Variants in BARD1 observed in about 807,000 individuals in gnomAD.
The protein encoded by BARD1 is BRCA1-associated RING domain protein 1.
BARD1 carries 73 observed loss-of-function variants against 77.0 expected under a neutral mutation model. That is an observed-to-expected ratio of 0.95 (90% CI 0.79 to 1.15). The LOEUF is 1.15. BARD1 is among the 50% of genes most tolerant of loss of function. The pLI is 0.00. For missense variants in BARD1, 993 were observed against 938.8 expected, an observed-to-expected ratio of 1.06 and a Z score of -0.75; for synonymous variants, 384 against 338.0, an observed-to-expected ratio of 1.14 and a Z score of -1.49.
Position 214,770,477 on chromosome 2 carries a change from C to A in BARD1, c.1315-1165G>T, listed in dbSNP as rs142463512. Among the ~76,000 whole-genome samples, 376 of 152,280 alleles carry A rather than the reference C, an allele frequency of 2.5e-3. 1 individual carries two copies. Among genetic ancestry groups the A allele is most frequent in the Non-Finnish European group, 3.6e-3 (244 of 68,022 alleles). On this transcript the variant is annotated intron_variant, in intron 4 of 10. Transcript: ENST00000260947. ...AATAACTTTACTTTAGAAATCACAA[C>A]CTCTTTTTAAATCAGATGAGCAAGA... is the stretch of plus-strand genomic sequence containing the variant.
In BARD1 at chr2:214,767,208, T is replaced by C. The variant is rs66878442; in HGVS notation, c.1568+274A>G. Among the ~76,000 whole-genome samples the C allele has an allele frequency of 0.37, 56,510 of 152,040 alleles. 10,629 individuals are homozygous for C. The highest frequency in any genetic ancestry group is 0.44 in the Middle Eastern group (130 of 294). ...CCATGGTATATATGTAACACATTTT[T>C]TTTATCCGATCTGTCATTGATATTT... On this transcript the variant is annotated intron_variant, in intron 6 of 10. Transcript: ENST00000260947.
intron 9 of BARD1, among the ~76,000 whole-genome samples, chr2:214,738,265 G>A (rs184072925): frequency 5.1e-4 from 78 of 152,264 alleles, no homozygotes; most frequent in African/African-American, 1.7e-3. Flanking sequence ...TCCTGATCAT[G>A]TTCTCCATTT....
chr2:214,762,047 A>G (rs559765180), intron 6 of BARD1, among the ~76,000 whole-genome samples: 92 of 152,342 alleles, frequency 6.0e-4, no homozygotes, highest in Non-Finnish European at 9.3e-4. Flanking sequence ...ACAAATAATC[A>G]AATACTATAC....
chr2:214,786,290 T>G (rs765649910), intron 3 of BARD1, among the ~76,000 whole-genome samples: 5 of 152,188 alleles, frequency 3.3e-5, no homozygotes, highest in Non-Finnish European at 5.9e-5. Context: ...CTTTTCAACA[T>G]TCTCATGTCT....
At chr2:214,793,206 T>C (rs1364618901) in intron 2 of BARD1, among the ~76,000 whole-genome samples, 1 of 152,150 alleles carries the variant, frequency 6.6e-6, no homozygotes, top group Non-Finnish European at 1.5e-5. Context: ...AGGACATTCC[T>C]TGTCACAGGA....
chr2:214,728,334 A>G lies in BARD1; in HGVS notation c.*342T>C, dbSNP rs1339379365. The G allele has an allele frequency of 2.3e-5, 6 of 258,020 alleles. No individual in the cohort carries two copies. The Admixed American group carries it at 2.6e-4, about 11-fold the overall frequency. The allele number at this position is 258,020 out of a possible 1,614,324, so 16.0% of individuals were successfully genotyped here. A position where few individuals can be genotyped will look rare whatever the true frequency, so the allele number is the denominator to read the frequency against. On this transcript the variant is annotated 3_prime_UTR_variant, in exon 11 of 11. Coordinates refer to ENST00000260947, the MANE Select transcript of BARD1 (RefSeq NM_000465.4). ...TTTTTCACTGGTGGCAGGTATGGAG[A>G]ATATTAAAAGACTCAAACAGTAATG...
At chr2:214,808,135 C>A (rs1415504352) in intron 1 of BARD1, among the ~76,000 whole-genome samples, 1 of 152,182 alleles carries the variant, frequency 6.6e-6, no homozygotes, top group Non-Finnish European at 1.5e-5. Flanking sequence ...TTTGGCCGGG[C>A]ACCGTGGCTC....
At chr2:214,731,847 C>T (rs1292889955) in intron 9 of BARD1, among the ~76,000 whole-genome samples, 6 of 152,174 alleles carry the variant, frequency 3.9e-5, no homozygotes, top group Non-Finnish European at 7.4e-5. Flanking sequence ...ACTCAGGTAT[C>T]CCCTTCACTG....
chr2:214,788,317 G>A (rs1476104840), intron 3 of BARD1, among the ~76,000 whole-genome samples: 31 of 151,836 alleles, frequency 2.0e-4, no homozygotes, highest in Non-Finnish European at 2.9e-5. Context: ...GTAAAAAGAA[G>A]ATCATGTTAT....
At chr2:214,734,121 T>C (rs1359172340) in intron 9 of BARD1, among the ~76,000 whole-genome samples, 3 of 152,112 alleles carry the variant, frequency 2.0e-5, no homozygotes, top group Non-Finnish European at 4.4e-5. Context: ...TTGAATAAAA[T>C]GTTTGAATGC....
At chr2:214,752,832 A>C (rs1413068998) in intron 6 of BARD1, among the ~76,000 whole-genome samples, 1 of 152,162 alleles carries the variant, frequency 6.6e-6, no homozygotes, top group Non-Finnish European at 1.5e-5. Context: ...ATATGGCTTC[A>C]TAATCACCAA....
At chr2:214,739,237 A>G (rs1466450018) in intron 9 of BARD1, among the ~76,000 whole-genome samples, 1 of 152,046 alleles carries the variant, frequency 6.6e-6, no homozygotes, top group Non-Finnish European at 1.5e-5. Flanking sequence ...TCAATACAAA[A>G]TATCCTAAAA....
rs569639860 is a variant in BARD1 at position 214,727,632 on chromosome 2, C to A, written c.*1044G>T. ...GCCTTGCCTATTTGATATTAGTAAGCCCTCCCCATACCTACTTCTATACTT... is the reference window on the plus strand; with the variant it reads ...GCCTTGCCTATTTGATATTAGTAAGACCTCCCCATACCTACTTCTATACTT... On this transcript the variant is annotated 3_prime_UTR_variant, in exon 11 of 11. Coordinates refer to ENST00000260947, the MANE Select transcript of BARD1 (RefSeq NM_000465.4). 7.3e-5 allele frequency: 17 copies of A among 231,338 alleles called. 1 individual carries two copies. Among genetic ancestry groups the A allele is most frequent in the Admixed American group, 3.4e-4 (6 of 17,728 alleles). The allele number at this position is 231,338 out of a possible 1,614,324, so 14.3% of individuals were successfully genotyped here.
chr2:214,797,029 TG>T, intron 2 of BARD1, 31 bp downstream of exon 2: 1 of 1,514,824 alleles, frequency 6.6e-7, no homozygotes, highest in Non-Finnish European at 9.2e-7. Context: ...AAAATACAGT[TG>T]TACTATATAC....
At chr2:214,729,077 T>C (rs777147991) in intron 10 of BARD1, 69 bp from the exon 11 acceptor site, 54 of 1,436,620 alleles carry the variant, frequency 3.8e-5, no homozygotes, top group Non-Finnish European at 5.2e-5. Context: ...TGTATATGAA[T>C]GAGGAAAATA....
intron 3 of BARD1, among the ~76,000 whole-genome samples, chr2:214,785,383 C>T (rs1458230535): frequency 1.3e-5 from 2 of 151,868 alleles, no homozygotes; most frequent in Admixed American, 6.6e-5. Context: ...AAAAAAATTG[C>T]CTTAAAATTC....
chr2:214,747,221 G>T (rs1237550414), intron 7 of BARD1, among the ~76,000 whole-genome samples: 1 of 152,076 alleles, frequency 6.6e-6, no homozygotes, highest in African/African-American at 2.4e-5. Context: ...TGTTGGAGAG[G>T]ATGTGGAGAA....
rs1693083134 is a variant in BARD1 at position 214,745,806 on chromosome 2, C to T, written c.1726G>A (p.Gly576Arg). The change falls in exon 8 of 11, where the codon GGG becomes AGG. Residue 576 changes from glycine to arginine, a missense_variant. By Grantham distance (125) the Gly-to-Arg change is moderately radical (BLOSUM62 -2). Transcript: ENST00000260947. ...ATTTTCTGTTGTTCTGAAGACAGCC[C>T]ACTGCCTATAAGTACAAGAGGTCCA... ...RDGPLVLIGS[G>R]LSSEQQKMLS... The T allele has an allele frequency of 6.2e-7, 1 of 1,613,972 alleles. No individual in the cohort carries two copies. The highest frequency in any genetic ancestry group is 8.5e-7 in the Non-Finnish European group (1 of 1,179,940).
chr2:214,806,314 A>C (rs913897250), intron 1 of BARD1, among the ~76,000 whole-genome samples: 2 of 152,186 alleles, frequency 1.3e-5, no homozygotes, highest in African/African-American at 4.8e-5. Context: ...ACTGGGTAGA[A>C]CTCTGAAACT....
Sources: gnomAD v4.1 joint callset for allele counts (sites outside exome capture counted in the v4.1 genomes callset) on GRCh38, gnomAD v4.1.1 for gene constraint, MANE v1.5 for transcripts, NCBI Gene and HGNC (gene_info 2026-07-23, HGNC 2026-07-21) for gene names.